The following AIG1 variants were observed in gnomAD, a reference collection of about 807,000 sequenced individuals.
The protein encoded by AIG1 is androgen induced 1.
In AIG1, 23 loss-of-function variants were observed where a neutral mutation model predicts 31.4. The ratio of observed to expected loss-of-function variants is 0.73; its 90% CI spans 0.53 to 1.04. The LOEUF is 1.04. Among genes scored for constraint, AIG1 ranks in the 50% least tolerant of loss-of-function variants. AIG1 has a pLI of 0.00. For synonymous variants in AIG1, 100 were observed against 110.5 expected, an observed-to-expected ratio of 0.90 and a Z score of 0.60; for missense variants, 274 against 295.0, an observed-to-expected ratio of 0.93 and a Z score of 0.52.
intron 3 of AIG1, among the ~76,000 whole-genome samples, chr6:143,194,552 G>C (rs1299113432): frequency 6.6e-6 from 1 of 152,130 alleles, no homozygotes; most frequent in Non-Finnish European, 1.5e-5. Flanking sequence ...TCATAACTTG[G>C]GTTGACTTAT....
chr6:143,322,191 A>G (rs1562592115), intron 4 of AIG1, among the ~76,000 whole-genome samples: 5 of 152,304 alleles, frequency 3.3e-5, no homozygotes, highest in African/African-American at 1.2e-4. Flanking sequence ...TAGCGAGATC[A>G]AGGAAGACAT....
In AIG1 at chr6:143,328,005, A is replaced by G. The variant is rs1023846348; in HGVS notation, c.516-5277A>G. On this transcript the variant is annotated intron_variant, in intron 4 of 5. Transcript: ENST00000357847. The surrounding 1 kb of genome is among the most constrained non-coding windows in gnomAD (Gnocchi z 4.0). Reference sequence around the variant, plus strand: ...GTGTATAAGTAGTGAACATGATGCCATAGCCATGAATGAACTCATCAACTG... The same window carrying G: ...GTGTATAAGTAGTGAACATGATGCCGTAGCCATGAATGAACTCATCAACTG... Among the ~76,000 whole-genome samples, 1 of 152,234 alleles carries G rather than the reference A, an allele frequency of 6.6e-6. No individual in the cohort carries two copies. Among genetic ancestry groups the G allele is most frequent in the Non-Finnish European group, 1.5e-5 (1 of 68,038 alleles).
chr6:143,323,607 C>G (rs1295208582), intron 4 of AIG1, among the ~76,000 whole-genome samples: 1 of 152,152 alleles, frequency 6.6e-6, no homozygotes, highest in Non-Finnish European at 1.5e-5. Flanking sequence ...TTACCATACA[C>G]TTTACTAAGG....
At chr6:143,134,526 C>T (rs1432768808) in intron 1 of AIG1, among the ~76,000 whole-genome samples, 4 of 150,472 alleles carry the variant, frequency 2.7e-5, no homozygotes, top group Non-Finnish European at 5.9e-5. Context: ...GTTATTTCAA[C>T]TTTTTTGAAG....
In AIG1 at chr6:143,165,068, C is replaced by A; in HGVS notation, c.298-14C>A. 7.6e-6 allele frequency: 12 copies of A among 1,576,748 alleles called. No homozygotes were observed. Among genetic ancestry groups the A allele is most frequent in the Non-Finnish European group, 1.0e-5 (12 of 1,147,686 alleles). On this transcript the variant is annotated splice_polypyrimidine_tract_variant and intron_variant, in intron 2 of 5. Coordinates refer to ENST00000357847, the MANE Select transcript of AIG1 (RefSeq NM_016108.4). ...TCGATGAACTTGAAATAAAAGATTTCTTTTTCCTTCCAGTTTGTTGTAGCA... is the reference window on the plus strand; with the variant it reads ...TCGATGAACTTGAAATAAAAGATTTATTTTTCCTTCCAGTTTGTTGTAGCA...
At position 143,115,971 on chromosome 6, in the gene AIG1, C is replaced by T. The variant is rs143137131; in HGVS notation, c.142-20864C>T. ...TAGTTTTATGACTTGACTTAGTGCA[C>T]ATCTAGCCCCTGCTTTGTGTCAGAC... On this transcript the variant is annotated intron_variant, in intron 1 of 5. Coordinates refer to ENST00000357847, the MANE Select transcript of AIG1 (RefSeq NM_016108.4). 4.8e-3 allele frequency among the ~76,000 whole-genome samples: 726 copies of T among 152,296 alleles called. 1 individual carries two copies. The highest frequency in any genetic ancestry group is 0.011 in the South Asian group (55 of 4,824).
rs1321819755 is a variant in AIG1 at position 143,329,257 on chromosome 6, G to T, written c.516-4025G>T. ...GGAAGCAAGTCCATGCAGCAAAAAA[G>T]AAATCAGATGTGCACTTCTTTCCCA... On this transcript the variant is annotated intron_variant, in intron 4 of 5. Transcript: ENST00000357847. This position sits in a 1 kb window ranked among gnomAD's most constrained non-coding sequence, Gnocchi z 4.9. 1.3e-5 allele frequency among the ~76,000 whole-genome samples: 2 copies of T among 152,198 alleles called. No homozygotes were observed. Among genetic ancestry groups the T allele is most frequent in the Non-Finnish European group, 2.9e-5 (2 of 68,020 alleles).
chr6:143,266,627 A>T (rs944293626), intron 3 of AIG1, among the ~76,000 whole-genome samples: 2 of 152,056 alleles, frequency 1.3e-5, no homozygotes, highest in Non-Finnish European at 2.9e-5. Context: ...TTTGTCAATT[A>T]TACCCCAGTA....
At chr6:143,107,811 G>A (rs1780936920) in intron 1 of AIG1, among the ~76,000 whole-genome samples, 2 of 152,124 alleles carry the variant, frequency 1.3e-5, no homozygotes, top group Admixed American at 1.3e-4. Flanking sequence ...CTGTGATAAG[G>A]TGGAAACATT....
intron 3 of AIG1, among the ~76,000 whole-genome samples, chr6:143,265,820 C>A (rs978674109): frequency 9.9e-5 from 15 of 152,130 alleles, no homozygotes; most frequent in Non-Finnish European, 2.2e-4. Flanking sequence ...CTGCAAAATC[C>A]TCACTCATTC....
At position 143,326,966 on chromosome 6, in the gene AIG1, C is replaced by G. The variant is rs1351548022; in HGVS notation, c.516-6316C>G. 6.6e-6 allele frequency among the ~76,000 whole-genome samples: 1 copy of G among 152,042 alleles called. No homozygotes were observed. The highest frequency in any genetic ancestry group is 1.5e-5 in the Non-Finnish European group (1 of 68,010). On this transcript the variant is annotated intron_variant, in intron 4 of 5. Coordinates refer to ENST00000357847, the MANE Select transcript of AIG1 (RefSeq NM_016108.4). This position sits in a 1 kb window ranked among gnomAD's most constrained non-coding sequence, Gnocchi z 4.5. ...TAGACTTTGTTGAAACTTTGGGTCTCTAACAAAAAATCAGTGGGAGGCCTT... is the reference window on the plus strand; with the variant it reads ...TAGACTTTGTTGAAACTTTGGGTCTGTAACAAAAAATCAGTGGGAGGCCTT...
chr6:143,183,581 T>C (rs1312514087), intron 3 of AIG1, among the ~76,000 whole-genome samples: 1 of 152,192 alleles, frequency 6.6e-6, no homozygotes, highest in Non-Finnish European at 1.5e-5. Flanking sequence ...TCAAGGCTAA[T>C]GCTATTATTT....
At position 143,327,940 on chromosome 6, in the gene AIG1, A is replaced by T. The variant is rs1776745992; in HGVS notation, c.516-5342A>T. Reference sequence around the variant, plus strand: ...CAGTTTGATAAACTGCCTAGAATAGAGGAGAGATCTGGGTTAGGATATAAG... The same window carrying T: ...CAGTTTGATAAACTGCCTAGAATAGTGGAGAGATCTGGGTTAGGATATAAG... On this transcript the variant is annotated intron_variant, in intron 4 of 5. Transcript: ENST00000357847. This position sits in a 1 kb window ranked among gnomAD's most constrained non-coding sequence, Gnocchi z 5.3. Among the ~76,000 whole-genome samples the T allele has an allele frequency of 6.6e-6, 1 of 152,224 alleles. No homozygotes were observed. The highest frequency in any genetic ancestry group is 2.4e-5 in the African/African-American group (1 of 41,472).
intron 3 of AIG1, among the ~76,000 whole-genome samples, chr6:143,251,341 C>T (rs750640917): frequency 1.3e-4 from 20 of 152,144 alleles, no homozygotes; most frequent in Non-Finnish European, 2.6e-4. Context: ...AGTGAGCCAC[C>T]GTGCCCGGCC....
intron 2 of AIG1, among the ~76,000 whole-genome samples, chr6:143,143,434 G>C (rs1472157944): frequency 7.1e-6 from 1 of 141,392 alleles, no homozygotes; most frequent in Non-Finnish European, 1.5e-5. Flanking sequence ...CCAGGAGGCG[G>C]AGCTTGCAGT....
At position 143,062,201 on chromosome 6, in the gene AIG1, T is replaced by C. The variant is rs1180768107; in HGVS notation, c.141+1135T>C. 2.6e-5 allele frequency among the ~76,000 whole-genome samples: 4 copies of C among 152,322 alleles called. No individual in the cohort carries two copies. In the East Asian group the frequency reaches 5.8e-4, roughly 22 times the overall value. On this transcript the variant is annotated intron_variant, in intron 1 of 5. Transcript: ENST00000357847. Reference sequence around the variant, plus strand: ...CTTTTGGTTTAAAAATAACACCTTATATTTGCATTATATTAGATACTTTCA... The same window carrying C: ...CTTTTGGTTTAAAAATAACACCTTACATTTGCATTATATTAGATACTTTCA...
chr6:143,335,798 T>A (rs1279455500), intron 5 of AIG1, among the ~76,000 whole-genome samples: 6 of 151,416 alleles, frequency 4.0e-5, no homozygotes, highest in Admixed American at 2.6e-4. Flanking sequence ...CTACTAAACA[T>A]ACAAAAATGA....
At chr6:143,153,583 G>A (rs997547517) in intron 2 of AIG1, among the ~76,000 whole-genome samples, 7 of 152,082 alleles carry the variant, frequency 4.6e-5, no homozygotes, top group Non-Finnish European at 7.4e-5. Flanking sequence ...TCCGTACCTC[G>A]TGATCCACCT....
rs1189752795 is a variant in AIG1 at position 143,102,333 on chromosome 6, C to CA, written c.142-34494dup. ...AAGGTTTTTATTCTTAAAAAACAAACAAAAAAAACACCTATTGTGACTCCT... is the reference window on the plus strand; with the variant it reads ...AAGGTTTTTATTCTTAAAAAACAAACAAAAAAAAACACCTATTGTGACTCCT... On this transcript the variant is annotated intron_variant, in intron 1 of 5. Coordinates refer to ENST00000357847, the MANE Select transcript of AIG1 (RefSeq NM_016108.4). Among the ~76,000 whole-genome samples the CA allele has an allele frequency of 1.2e-4, 18 of 149,034 alleles. No individual in the cohort carries two copies. The South Asian group carries it at 1.3e-3, about 10-fold the overall frequency.
Sources: gnomAD v4.1 joint callset for allele counts (sites outside exome capture counted in the v4.1 genomes callset) on GRCh38, gnomAD v4.1.1 for gene constraint, Gnocchi (gnomAD v3.1) non-coding constraint, MANE v1.5 for transcripts, NCBI Gene and HGNC (gene_info 2026-07-23, HGNC 2026-07-21) for gene names.